The following SHISA9 variants were observed in gnomAD, a reference collection of about 807,000 sequenced individuals.
SHISA9 encodes the protein protein shisa-9.
In SHISA9, 13 loss-of-function variants were observed where a neutral mutation model predicts 38.0. The observed-to-expected ratio is 0.34, with a 90% CI of 0.22 to 0.54. The LOEUF (loss-of-function observed/expected upper bound fraction) is 0.54. Ranked by LOEUF, SHISA9 falls within the 20% of genes least tolerant of loss-of-function variation. The probability of loss-of-function intolerance (pLI) is 0.91; values close to 1 mark genes in which losing one functional copy is unlikely to be tolerated. For missense variants in SHISA9, 538 were observed against 575.8 expected, an observed-to-expected ratio of 0.93 and a Z score of 0.67; for synonymous variants, 275 against 242.0, an observed-to-expected ratio of 1.14 and a Z score of -1.27.
the SHISA9 span, among the ~76,000 whole-genome samples, chr16:13,307,953 T>C: frequency 6.6e-6 from 1 of 152,318 alleles, no homozygotes; most frequent in Non-Finnish European, 1.5e-5. Context: ...CAAAATGAAC[T>C]TGCGTTCACA....
chr16:13,522,424 C>G, the SHISA9 span, among the ~76,000 whole-genome samples: 1 of 152,078 alleles, frequency 6.6e-6, no homozygotes, highest in Admixed American at 6.6e-5. Flanking sequence ...GTTTGATCAT[C>G]TAGAAACAAA....
At chr16:13,499,628 A>T in the SHISA9 span, among the ~76,000 whole-genome samples, 10 of 118,178 alleles carry the variant, frequency 8.5e-5, no homozygotes, top group Non-Finnish European at 1.8e-4. Flanking sequence ...GTTTTATAAT[A>T]AAAAAACATT....
At chr16:12,970,177 A>G (rs951977082) in intron 2 of SHISA9, among the ~76,000 whole-genome samples, 9 of 149,170 alleles carry the variant, frequency 6.0e-5, no homozygotes, top group East Asian at 1.9e-4. Flanking sequence ...AGGAATATAT[A>G]TATTTTTTCA....
chr16:13,394,457 C>A, the SHISA9 span, among the ~76,000 whole-genome samples: 14 of 152,120 alleles, frequency 9.2e-5, no homozygotes, highest in Non-Finnish European at 1.9e-4. Context: ...ATCTCCTACC[C>A]CCCACCCTCT....
At chr16:13,505,776 TA>T in the SHISA9 span, among the ~76,000 whole-genome samples, 1 of 152,336 alleles carries the variant, frequency 6.6e-6, no homozygotes, top group South Asian at 2.1e-4. Flanking sequence ...CTGTGATTGT[TA>T]AAGCTTGTCT....
At chr16:13,225,392 G>C (rs551804588) in intron 4 of SHISA9, among the ~76,000 whole-genome samples, 1 of 152,322 alleles carries the variant, frequency 6.6e-6, no homozygotes, top group South Asian at 2.1e-4. Flanking sequence ...TTCACAATAG[G>C]TATGGAGCAG....
the SHISA9 span, among the ~76,000 whole-genome samples, chr16:13,272,566 C>T: frequency 6.6e-6 from 1 of 151,932 alleles, no homozygotes; most frequent in Non-Finnish European, 1.5e-5. Flanking sequence ...GATGAAGAGA[C>T]CTAACAGAGG....
At chr16:13,279,440 G>A in the SHISA9 span, among the ~76,000 whole-genome samples, 2 of 151,826 alleles carry the variant, frequency 1.3e-5, no homozygotes, top group Middle Eastern at 3.4e-3. Context: ...ATCCATTGTC[G>A]CTTTGTTGAC....
intron 2 of SHISA9, among the ~76,000 whole-genome samples, chr16:13,112,237 T>C (rs1596654938): frequency 2.0e-5 from 3 of 152,228 alleles, no homozygotes; most frequent in Admixed American, 2.0e-4. Flanking sequence ...GAGAGCAATT[T>C]GGTGTTTTAG....
At chr16:13,482,816 A>AAAG in the SHISA9 span, among the ~76,000 whole-genome samples, 7 of 148,934 alleles carry the variant, frequency 4.7e-5, no homozygotes, top group East Asian at 5.9e-4. Flanking sequence ...AAAAAAAAAA[A>AAAG]AGAGAGAGAG....
the SHISA9 span, among the ~76,000 whole-genome samples, chr16:13,259,621 T>A: frequency 4.6e-5 from 7 of 152,314 alleles, no homozygotes; most frequent in East Asian, 1.2e-3. Flanking sequence ...AGGCCAAGGT[T>A]CCCAAACCTC....
the SHISA9 span, among the ~76,000 whole-genome samples, chr16:13,408,238 CT>C: frequency 6.6e-6 from 1 of 151,924 alleles, no homozygotes; most frequent in Admixed American, 6.6e-5. Flanking sequence ...GTTGTAGACA[CT>C]TTTTAAGTAA....
the SHISA9 span, among the ~76,000 whole-genome samples, chr16:13,508,088 T>C: frequency 1.3e-5 from 2 of 152,218 alleles, no homozygotes. Context: ...TTGGTCTCTA[T>C]CTCTCATCTA....
intron 2 of SHISA9, among the ~76,000 whole-genome samples, chr16:12,986,223 T>C (rs942408819): frequency 6.6e-6 from 1 of 152,212 alleles, no homozygotes; most frequent in East Asian, 1.9e-4. Flanking sequence ...CCATAGTGGG[T>C]ATTAAAATAT....
intron 2 of SHISA9, among the ~76,000 whole-genome samples, chr16:12,974,479 GTTTTTTT>G (rs58309847): frequency 3.3e-5 from 3 of 91,766 alleles, no homozygotes; most frequent in African/African-American, 4.3e-5. Context: ...ATTTCTGGTG[GTTTTTTT>G]TTTTTTTTTT....
chr16:12,942,172 A>G (rs569612365), intron 2 of SHISA9, among the ~76,000 whole-genome samples: 1 of 152,344 alleles, frequency 6.6e-6, no homozygotes, highest in African/African-American at 2.4e-5. Context: ...TGACATCTGC[A>G]GGCACCTCTG....
At chr16:13,122,644 GGA>G (rs1167582780) in intron 2 of SHISA9, among the ~76,000 whole-genome samples, 2 of 152,190 alleles carry the variant, frequency 1.3e-5, no homozygotes, top group African/African-American at 4.8e-5. Context: ...AGGGGGAGAA[GGA>G]CATTGACATT....
chr16:13,461,318 A>G, the SHISA9 span, among the ~76,000 whole-genome samples: 3 of 152,090 alleles, frequency 2.0e-5, no homozygotes, highest in Non-Finnish European at 4.4e-5. Flanking sequence ...AGTGGCTAAC[A>G]CCTGTAATCC....
the SHISA9 span, among the ~76,000 whole-genome samples, chr16:13,320,088 C>T: frequency 1.3e-4 from 19 of 151,654 alleles, no homozygotes; most frequent in African/African-American, 4.1e-4. Context: ...GTCAGGAGAT[C>T]GAGACCATCC....
Sources: gnomAD v4.1 joint callset for allele counts (sites outside exome capture counted in the v4.1 genomes callset) on GRCh38, gnomAD v4.1.1 for gene constraint, MANE v1.5 for transcripts, NCBI Gene and HGNC (gene_info 2026-07-23, HGNC 2026-07-21) for gene names.